The following TGFB2 variants were observed in gnomAD, a reference collection of about 807,000 sequenced individuals.
TGFB2 encodes transforming growth factor beta 2.
A neutral mutation model predicts 42.7 loss-of-function variants in TGFB2; 13 were observed. That is an observed-to-expected ratio of 0.30 (90% confidence interval 0.20 to 0.48). The LOEUF is 0.48. Among genes scored for constraint, TGFB2 ranks in the 20% least tolerant of loss-of-function variants. TGFB2 has a pLI of 0.99. For synonymous variants in TGFB2, 193 were observed against 193.6 expected (o/e 1.00, Z 0.03); for missense variants, 390 against 517.5 (o/e 0.75, Z 2.39).
chr1:218,347,114 A>G, intron 1 of TGFB2, 67 bp downstream of exon 1: 1 of 1,442,182 alleles, frequency 6.9e-7, no homozygotes, highest in Non-Finnish European at 9.4e-7. Flanking sequence ...AAACCGCAGC[A>G]GCTCCCGGGA....
intron 2 of TGFB2, among the ~76,000 whole-genome samples, chr1:218,426,779 A>G (rs1391729107): frequency 6.6e-6 from 1 of 152,204 alleles, no homozygotes. Context: ...TGCAAACCTT[A>G]AATTTTTAAA....
Position 218,345,420 on chromosome 1 carries a change from T to TAGAAAG in TGFB2, c.-1272_-1267dup, listed in dbSNP as rs886045957. 2 of 151,946 alleles carry TAGAAAG rather than the reference T, an allele frequency of 1.3e-5. No individual in the cohort carries two copies. Among genetic ancestry groups the TAGAAAG allele is most frequent in the African/African-American group, 2.4e-5 (1 of 41,224 alleles). 9.4% of individuals were successfully genotyped at this position (151,946 alleles called of 1,614,324 possible). ...AGAGAAAGACAGATTGAGATAGAGA[T>TAGAAAG]AGAAAGAGAAAGAGAGAAAGAGACA... On this transcript the variant is annotated 5_prime_UTR_variant, in exon 1 of 7. Coordinates refer to ENST00000366930, the MANE Select transcript of TGFB2 (RefSeq NM_003238.6).
Position 218,420,887 on chromosome 1 carries a change from GC to G in TGFB2, c.511-13194del, listed in dbSNP as rs149759220. On this transcript the variant is annotated intron_variant, in intron 2 of 6. Coordinates refer to ENST00000366930, the MANE Select transcript of TGFB2 (RefSeq NM_003238.6). ...TGAGGCTGATATGTATTCCACGGGA[GC>G]TGACTGAAGGCCCTCGTGAAGCTCT... Among the ~76,000 whole-genome samples, 494 of 152,298 alleles carry G rather than the reference GC, an allele frequency of 3.2e-3. 2 individuals carry two copies. Among genetic ancestry groups the G allele is most frequent in the African/African-American group, 0.012 (482 of 41,562 alleles).
chr1:218,409,092 G>A (rs573449685), intron 2 of TGFB2, among the ~76,000 whole-genome samples: 3 of 152,230 alleles, frequency 2.0e-5, no homozygotes, highest in African/African-American at 4.8e-5. Context: ...TAATGCCGCC[G>A]CTAATCTGAC....
chr1:218,382,017 C>T (rs747316856), intron 1 of TGFB2, among the ~76,000 whole-genome samples: 3 of 152,260 alleles, frequency 2.0e-5, no homozygotes, highest in Admixed American at 6.5e-5. Flanking sequence ...GGGATTCCTG[C>T]AGGTCAGCAG....
Position 218,434,226 on chromosome 1 carries a change from C to T in TGFB2, c.643+12C>T, listed in dbSNP as rs2102626582. ...GCTTCACCATAAAGGTTACAAGCCA[C>T]TCTCTCTTTTCCTCCCAAGATGTTC... On this transcript the variant is annotated intron_variant, in intron 3 of 6. Transcript: ENST00000366930. The T allele has an allele frequency of 1.2e-6, 2 of 1,613,238 alleles. No individual in the cohort carries two copies. Among genetic ancestry groups the T allele is most frequent in the East Asian group, 2.2e-5 (1 of 44,848 alleles).
chr1:218,405,556 A>G, intron 2 of TGFB2: 1 of 645,622 alleles, frequency 1.5e-6, no homozygotes, highest in Middle Eastern at 2.6e-4. Flanking sequence ...TTTTTTAGAT[A>G]CGAGGTCTCA....
At chr1:218,376,994 A>G (rs1159879928) in intron 1 of TGFB2, among the ~76,000 whole-genome samples, 2 of 152,126 alleles carry the variant, frequency 1.3e-5, no homozygotes, top group African/African-American at 4.8e-5. Flanking sequence ...CCTGGGCTCA[A>G]GTGACTCTCC....
chr1:218,348,230 T>C (rs1260177001), intron 1 of TGFB2, among the ~76,000 whole-genome samples: 1 of 152,150 alleles, frequency 6.6e-6, no homozygotes, highest in Admixed American at 6.5e-5. Flanking sequence ...AAACTTTTCA[T>C]TGGTTGCTCA....
intron 1 of TGFB2, among the ~76,000 whole-genome samples, chr1:218,364,932 T>C: frequency 6.6e-6 from 1 of 152,096 alleles, no homozygotes; most frequent in East Asian, 1.9e-4. Context: ...AACCAAGGAG[T>C]TAAACATCTG....
At chr1:218,419,298 CT>C (rs559716671) in intron 2 of TGFB2, among the ~76,000 whole-genome samples, 86 of 152,282 alleles carry the variant, frequency 5.6e-4, no homozygotes, top group Admixed American at 1.6e-3. Flanking sequence ...ACCCACAGTG[CT>C]TTTCCCAACT....
At position 218,355,731 on chromosome 1, in the gene TGFB2, AGCT is replaced by A. The variant is rs1379466967; in HGVS notation, c.346+8685_346+8687del. 2.0e-5 allele frequency among the ~76,000 whole-genome samples: 3 copies of A among 152,232 alleles called. No homozygotes were observed. In the South Asian group the frequency reaches 6.2e-4, roughly 32 times the overall value. On this transcript the variant is annotated intron_variant, in intron 1 of 6. Coordinates refer to ENST00000366930, the MANE Select transcript of TGFB2 (RefSeq NM_003238.6). ...CTGCTTCTGGCCTTCTTTCCACAGCAGCTATTATTCATCGAATCTCATTGACTT... is the reference window on the plus strand; with the variant it reads ...CTGCTTCTGGCCTTCTTTCCACAGCAATTATTCATCGAATCTCATTGACTT...
At chr1:218,400,323 G>C (rs74816766) in intron 1 of TGFB2, among the ~76,000 whole-genome samples, 1 of 152,110 alleles carries the variant, frequency 6.6e-6, no homozygotes, top group South Asian at 2.1e-4. Flanking sequence ...CAACTGTCAC[G>C]GTGTTTTTTT....
At chr1:218,399,808 G>A (rs1028128931) in intron 1 of TGFB2, among the ~76,000 whole-genome samples, 3 of 151,788 alleles carry the variant, frequency 2.0e-5, no homozygotes, top group Admixed American at 2.0e-4. Context: ...TGTCTCTCGG[G>A]GGCATTCATG....
intron 1 of TGFB2, among the ~76,000 whole-genome samples, chr1:218,361,044 G>A (rs1470763462): frequency 2.0e-5 from 3 of 152,190 alleles, no homozygotes; most frequent in Non-Finnish European, 2.9e-5. Context: ...TAGTAGAGAC[G>A]GAGTTTCACC....
chr1:218,352,043 G>A (rs1359478916), intron 1 of TGFB2, among the ~76,000 whole-genome samples: 4 of 152,098 alleles, frequency 2.6e-5, no homozygotes, highest in Non-Finnish European at 5.9e-5. Context: ...CTGGCCCTGG[G>A]AGAGGTGTGC....
intron 1 of TGFB2, among the ~76,000 whole-genome samples, chr1:218,401,347 G>C (rs191489060): frequency 6.6e-6 from 1 of 151,648 alleles, no homozygotes; most frequent in Non-Finnish European, 1.5e-5. Flanking sequence ...TCTCCCTTCC[G>C]TCCCCAAAAT....
intron 1 of TGFB2, among the ~76,000 whole-genome samples, chr1:218,377,830 C>T (rs567119875): frequency 1.8e-4 from 28 of 152,198 alleles, no homozygotes; most frequent in African/African-American, 6.8e-4. Flanking sequence ...AGAAAAAAGT[C>T]TTTTCTTCTT....
intron 1 of TGFB2, among the ~76,000 whole-genome samples, chr1:218,359,331 A>G (rs762464299): frequency 2.0e-5 from 3 of 152,232 alleles, no homozygotes; most frequent in Non-Finnish European, 4.4e-5. Flanking sequence ...GTATCTCTTC[A>G]TAGTATTAAG....
Sources: allele counts gnomAD v4.1 joint callset (sites outside exome capture counted in the v4.1 genomes callset), GRCh38; gene constraint gnomAD v4.1.1; transcripts MANE v1.5; gene names NCBI Gene and HGNC (gene_info 2026-07-23, HGNC 2026-07-21).